MDGA2: variants seen among roughly 807,000 people sequenced by gnomAD.
MDGA2 encodes the protein MAM domain-containing glycosylphosphatidylinositol anchor protein 2.
In MDGA2, 40 loss-of-function variants were observed where a neutral mutation model predicts 117.8. That is an observed-to-expected ratio of 0.34 (90% CI 0.26 to 0.44). MDGA2 has a LOEUF of 0.44. MDGA2 is among the 20% of genes least tolerant of loss of function. MDGA2 has a pLI of 1.00. For synonymous variants in MDGA2, 452 were observed against 439.0 expected, an observed-to-expected ratio of 1.03 and a Z score of -0.37; for missense variants, 1,123 against 1,250.6, an observed-to-expected ratio of 0.90 and a Z score of 1.54.
intron 1 of MDGA2, among the ~76,000 whole-genome samples, chr14:47,338,081 C>T (rs1890514071): frequency 6.6e-6 from 1 of 151,846 alleles, no homozygotes; most frequent in African/African-American, 2.4e-5. Context: ...TAAAAATAAT[C>T]TGTATGTTTA....
chr14:46,922,959 G>A (rs1331701840), intron 9 of MDGA2, among the ~76,000 whole-genome samples: 1 of 152,156 alleles, frequency 6.6e-6, no homozygotes, highest in African/African-American at 2.4e-5. Context: ...GTTGACTTTT[G>A]TTGACTACCA....
intron 13 of MDGA2, chr14:46,873,802 A>C: frequency 1.7e-6 from 1 of 583,816 alleles, no homozygotes; most frequent in South Asian, 3.7e-5. Context: ...AAATGTATAA[A>C]AAGTTGAAAT....
intron 1 of MDGA2, among the ~76,000 whole-genome samples, chr14:47,574,982 G>T (rs1306105255): frequency 2.0e-5 from 3 of 152,122 alleles, no homozygotes; most frequent in Non-Finnish European, 4.4e-5. Context: ...GTATACGTGG[G>T]TCTGTGTGTA....
intron 1 of MDGA2, among the ~76,000 whole-genome samples, chr14:47,471,590 A>G (rs1166509205): frequency 6.6e-6 from 1 of 152,094 alleles, no homozygotes; most frequent in African/African-American, 2.4e-5. Context: ...AAAAACATCT[A>G]GTTTTGCTTA....
chr14:46,845,953 A>T, intron 15 of MDGA2, 82 bp from the exon 16 acceptor site: 2 of 1,010,108 alleles, frequency 2.0e-6, no homozygotes, highest in East Asian at 2.5e-5. Context: ...GGTGACAAAA[A>T]TAAACTTGTC....
At chr14:47,302,964 C>G (rs1281373455) in intron 1 of MDGA2, among the ~76,000 whole-genome samples, 1 of 152,160 alleles carries the variant, frequency 6.6e-6, no homozygotes, top group East Asian at 1.9e-4. Flanking sequence ...CCTTGAAACT[C>G]AGAACCCTGC....
intron 5 of MDGA2, among the ~76,000 whole-genome samples, chr14:47,118,219 C>G (rs1156507034): frequency 1.3e-5 from 2 of 152,170 alleles, no homozygotes; most frequent in African/African-American, 4.8e-5. Context: ...TCAGGGATTT[C>G]AGACATTCAG....
chr14:46,942,950 T>A lies in MDGA2; in HGVS notation c.2089+14424A>T, dbSNP rs147838040. Among the ~76,000 whole-genome samples, 251 of 152,258 alleles carry A rather than the reference T, an allele frequency of 1.6e-3. 2 individuals carry two copies. The highest frequency in any genetic ancestry group is 5.5e-3 in the African/African-American group (227 of 41,576). On this transcript the variant is annotated intron_variant, in intron 9 of 16. Coordinates refer to ENST00000399232, the MANE Select transcript of MDGA2 (RefSeq NM_001113498.3). ...TGCTTAAAATCTTCTAAAATATTAGTGTTTTTTATCTCCATATTCTATCAA... is the reference window on the plus strand; with the variant it reads ...TGCTTAAAATCTTCTAAAATATTAGAGTTTTTTATCTCCATATTCTATCAA...
chr14:46,915,261 A>C (rs892449967), intron 10 of MDGA2, among the ~76,000 whole-genome samples: 1 of 152,184 alleles, frequency 6.6e-6, no homozygotes, highest in Non-Finnish European at 1.5e-5. Flanking sequence ...TTGATATTTA[A>C]ATGTCAATGC....
In MDGA2 at chr14:47,061,320, G is replaced by A; in HGVS notation, c.1454C>T (p.Thr485Ile). The A allele has an allele frequency of 6.2e-7, 1 of 1,613,504 alleles. No homozygotes were observed. The highest frequency in any genetic ancestry group is 8.5e-7 in the Non-Finnish European group (1 of 1,179,638). Residue 485 changes from threonine (T) to isoleucine (I), a missense_variant, in exon 7 of 17, where the codon ACA becomes ATA. Transcript: ENST00000399232. Reference protein sequence around the residue: ...DLKFTDFGTYTCVASLKGGGI... With the variant: ...DLKFTDFGTYICVASLKGGGI... ...TCCTCCCTTCAGAGATGCTACACAT[G>A]TGTACGTCCCAAAATCCGTGAATTT...
intron 2 of MDGA2, among the ~76,000 whole-genome samples, chr14:47,225,585 T>C (rs1886461370): frequency 6.6e-6 from 1 of 150,588 alleles, no homozygotes; most frequent in South Asian, 2.1e-4. Context: ...CACCGCATGT[T>C]CTCACTCATA....
In MDGA2 at chr14:47,096,994, G is replaced by C. The variant is rs1162735338; in HGVS notation, c.1055C>G (p.Thr352Ser). The C allele has an allele frequency of 1.2e-6, 2 of 1,613,216 alleles. No homozygotes were observed. Among genetic ancestry groups the C allele is most frequent in the Admixed American group, 1.7e-5 (1 of 59,886 alleles). The change falls in exon 6 of 17, where the codon ACT becomes AGT. Residue 352 changes from threonine to serine, a missense_variant. Thr to Ser is a moderately conservative substitution (Grantham distance 58, BLOSUM62 1). Around this residue, in one of 2 missense-constraint regions of MDGA2, gnomAD observed 890 missense variants for 1,050.3 expected, o/e 0.85. Coordinates refer to ENST00000399232, the MANE Select transcript of MDGA2 (RefSeq NM_001113498.3). ...ATTCAAAACAGTCTTTTCAGGCAGA[G>C]TCCCAAAGGACCTGACCCAGGTGAG... is the stretch of plus-strand genomic sequence containing the variant. ...PSLTWVRSFG[T>S]LPEKTVLNGG...
intron 2 of MDGA2, among the ~76,000 whole-genome samples, chr14:47,237,360 C>G (rs564425201): frequency 6.6e-6 from 1 of 152,284 alleles, no homozygotes; most frequent in East Asian, 1.9e-4. Context: ...AGGCCTTGCC[C>G]TTAATGCAAA....
At chr14:47,614,083 GTTTTCTT>G (rs1249982538) in intron 1 of MDGA2, among the ~76,000 whole-genome samples, 6 of 103,212 alleles carry the variant, frequency 5.8e-5, no homozygotes, top group African/African-American at 2.3e-4. Context: ...GGTTATTCTT[GTTTTCTT>G]TTTTCTTTTT....
At chr14:47,502,084 T>C (rs1249312192) in intron 1 of MDGA2, among the ~76,000 whole-genome samples, 1 of 152,158 alleles carries the variant, frequency 6.6e-6, no homozygotes, top group East Asian at 1.9e-4. Context: ...GCTATATTAA[T>C]TTATAAGTTG....
intron 8 of MDGA2, among the ~76,000 whole-genome samples, chr14:47,008,251 T>G (rs1887779156): frequency 6.6e-6 from 1 of 151,836 alleles, no homozygotes; most frequent in South Asian, 2.1e-4. Context: ...AAAGATACTA[T>G]GAGAAAAACA....
At chr14:47,543,282 T>TA (rs538443872) in intron 1 of MDGA2, among the ~76,000 whole-genome samples, 11 of 151,970 alleles carry the variant, frequency 7.2e-5, no homozygotes, top group Admixed American at 4.6e-4. Flanking sequence ...GCACGCACTC[T>TA]AAAAAAACAA....
intron 3 of MDGA2, among the ~76,000 whole-genome samples, chr14:47,171,391 C>T (rs1416662889): frequency 1.3e-5 from 2 of 152,082 alleles, no homozygotes; most frequent in African/African-American, 4.8e-5. Flanking sequence ...AACAATTTCA[C>T]ACTGTTACCA....
Position 47,220,153 on chromosome 14 carries a change from T to G in MDGA2, c.421-1958A>C, listed in dbSNP as rs1594733136. ...TACTTTTAAGAAATAAATACTGAAA[T>G]AAAATATTTCTGAGTGGTAGAAAGA... is the stretch of plus-strand genomic sequence containing the variant. On this transcript the variant is annotated intron_variant, in intron 2 of 16. Coordinates refer to ENST00000399232, the MANE Select transcript of MDGA2 (RefSeq NM_001113498.3). Among the ~76,000 whole-genome samples, 3 of 152,226 alleles carry G rather than the reference T, an allele frequency of 2.0e-5. No homozygotes were observed. The South Asian group carries it at 6.2e-4, about 32-fold the overall frequency.
Sources: allele counts gnomAD v4.1 joint callset (sites outside exome capture counted in the v4.1 genomes callset), GRCh38; gene constraint gnomAD v4.1.1; regional missense constraint gnomAD v4.1.1; transcripts MANE v1.5; gene names NCBI Gene and HGNC (gene_info 2026-07-23, HGNC 2026-07-21).